The following PARP15 variants were observed in gnomAD, a reference collection of about 807,000 sequenced individuals.
PARP15 encodes poly(ADP-ribose) polymerase family member 15.
Under a neutral mutation model 62.1 loss-of-function variants are expected in PARP15, and 50 were observed. The ratio of observed to expected loss-of-function variants is 0.81; its 90% CI spans 0.64 to 1.02. The LOEUF is 1.02. PARP15 is among the 50% of genes least tolerant of loss of function. PARP15 has a pLI of 0.00. For synonymous variants in PARP15, 309 were observed against 293.1 expected (o/e 1.05, Z -0.55); for missense variants, 820 against 826.5 (o/e 0.99, Z 0.10).
chr3:122,593,084 T>TTTTCTGTC (rs1161750482), intron 1 of PARP15, among the ~76,000 whole-genome samples: 4,741 of 63,850 alleles, frequency 0.074, 81 homozygotes, highest in Non-Finnish European at 0.096. Flanking sequence ...AAAGATAAAA[T>TTTTCTGTC]TATCTGTCTA....
At chr3:122,624,531 A>G (rs1347423117) in intron 8 of PARP15, among the ~76,000 whole-genome samples, 5 of 152,202 alleles carry the variant, frequency 3.3e-5, no homozygotes, top group Non-Finnish European at 7.3e-5. Context: ...AGCTTAAGTG[A>G]TCAGACTTCA....
intron 4 of PARP15, among the ~76,000 whole-genome samples, chr3:122,613,795 A>G (rs1935745087): frequency 1.3e-5 from 2 of 148,200 alleles, no homozygotes; most frequent in South Asian, 4.3e-4. Context: ...GTTGGGTGAC[A>G]TACCTCTCTG....
intron 1 of PARP15, among the ~76,000 whole-genome samples, chr3:122,590,645 C>T (rs761658798): frequency 6.3e-5 from 8 of 126,910 alleles, no homozygotes; most frequent in Non-Finnish European, 1.2e-4. Flanking sequence ...TTGATTTTTA[C>T]TACTTCTAAG....
chr3:122,620,176 C>G (rs1249236098), intron 7 of PARP15, among the ~76,000 whole-genome samples: 1 of 152,176 alleles, frequency 6.6e-6, no homozygotes, highest in East Asian at 1.9e-4. Context: ...TAGGAAAGTT[C>G]TACTAATAAG....
chr3:122,578,977 A>G (rs1173206973), intron 1 of PARP15, among the ~76,000 whole-genome samples: 2 of 152,212 alleles, frequency 1.3e-5, no homozygotes, highest in Non-Finnish European at 2.9e-5. Flanking sequence ...TTTGCCTCCA[A>G]ATTTTAAGCT....
rs1422874427 is a variant in PARP15, at chr3:122,637,378, C to T, written c.*1278C>T. 1.3e-5 allele frequency: 2 copies of T among 152,130 alleles called. No individual in the cohort carries two copies. The highest frequency in any genetic ancestry group is 2.9e-5 in the Non-Finnish European group (2 of 68,026). 9.4% of individuals were successfully genotyped at this position (152,130 alleles called of 1,614,324 possible). Reference sequence around the variant, plus strand: ...TCTTTTTCAAAAGTTGAAATCAGTTCCTCTGTGTCTATTACCTGCTGATCA... The same window carrying T: ...TCTTTTTCAAAAGTTGAAATCAGTTTCTCTGTGTCTATTACCTGCTGATCA... On this transcript the variant is annotated 3_prime_UTR_variant, in exon 12 of 12. Coordinates refer to ENST00000464300, the MANE Select transcript of PARP15 (RefSeq NM_001113523.3).
rs1252826072 is a variant in PARP15, at chr3:122,610,520, C to T, written c.333C>T (p.Pro111=). The part of the protein sequence containing the change: ...IWADVIVNSV[P]MNLQLGGGPL... ...CCGATGTCATTGTCAACAGCGTTCC[C>T]ATGAATCTTCAGCTTGGAGGAGGAC... The change falls in exon 3 of 12, where the codon CCC becomes CCT. Residue 111 remains proline, a synonymous_variant. Transcript: ENST00000464300. 11 of 1,551,590 alleles carry T rather than the reference C, an allele frequency of 7.1e-6. No individual in the cohort carries two copies. The highest frequency in any genetic ancestry group is 3.9e-5 in the Admixed American group (2 of 50,980).
chr3:122,610,749 T>A lies in PARP15; in HGVS notation c.543+19T>A. ...TTGGCAGGTAGGGAACGCTCTTAGT[T>A]CTCCAACGTATTGGGTGGCTTTGGG... On this transcript the variant is annotated intron_variant, in intron 3 of 11. Coordinates refer to ENST00000464300, the MANE Select transcript of PARP15 (RefSeq NM_001113523.3). 1 of 1,484,864 alleles carries A rather than the reference T, an allele frequency of 6.7e-7. No homozygotes were observed. The highest frequency in any genetic ancestry group is 9.0e-7 in the Non-Finnish European group (1 of 1,115,578). The allele number at this position is 1,484,864 out of a possible 1,614,324, so 92.0% of individuals were successfully genotyped here.
intron 10 of PARP15, 44 bp from the exon 11 acceptor site, chr3:122,634,976 C>G (rs759620238): frequency 1.3e-6 from 2 of 1,579,296 alleles, no homozygotes; most frequent in Non-Finnish European, 1.7e-6. Context: ...ATATACTGAG[C>G]CCCAAGGTCC....
At chr3:122,601,544 T>C (rs1934795664) in intron 1 of PARP15, among the ~76,000 whole-genome samples, 1 of 152,260 alleles carries the variant, frequency 6.6e-6, no homozygotes, top group Admixed American at 6.5e-5. Context: ...CTGACTTCTT[T>C]CACCTAGGAA....
chr3:122,581,066 G>A (rs1360614145), intron 1 of PARP15, among the ~76,000 whole-genome samples: 1 of 152,170 alleles, frequency 6.6e-6, no homozygotes, highest in African/African-American at 2.4e-5. Flanking sequence ...TAAGTGTATA[G>A]TAGGCTATAC....
At chr3:122,619,632 T>C in intron 6 of PARP15, 149 bp from the exon 7 acceptor site, 1 of 671,654 alleles carries the variant, frequency 1.5e-6, no homozygotes, top group East Asian at 2.7e-5. Context: ...TGGGTGGAGG[T>C]TGCTATAGAA....
At chr3:122,583,433 A>G (rs1933132059) in intron 1 of PARP15, among the ~76,000 whole-genome samples, 1 of 151,950 alleles carries the variant, frequency 6.6e-6, no homozygotes, top group Admixed American at 6.6e-5. Context: ...AGTCTGTATC[A>G]TTTTTAAATT....
At chr3:122,578,819 G>A (rs1345280711) in intron 1 of PARP15, among the ~76,000 whole-genome samples, 2 of 152,068 alleles carry the variant, frequency 1.3e-5, no homozygotes, top group Non-Finnish European at 1.5e-5. Context: ...TCTTTAGGTG[G>A]TGTTGACATG....
chr3:122,581,411 T>C (rs1215731076), intron 1 of PARP15, among the ~76,000 whole-genome samples: 1 of 152,160 alleles, frequency 6.6e-6, no homozygotes, highest in East Asian at 1.9e-4. Context: ...CATCTTCCTT[T>C]CCTTTCCTTT....
At chr3:122,628,535 A>G (rs1051816732) in intron 9 of PARP15, among the ~76,000 whole-genome samples, 1 of 152,246 alleles carries the variant, frequency 6.6e-6, no homozygotes. Context: ...AACAGTAAAT[A>G]AGTCATTATC....
chr3:122,593,098 A>ATCTG (rs1934059208), intron 1 of PARP15, among the ~76,000 whole-genome samples: 3 of 68,706 alleles, frequency 4.4e-5, no homozygotes, highest in African/African-American at 1.0e-4. Context: ...CTGTCTATCT[A>ATCTG]TCTATCTATC....
At chr3:122,588,241 A>G (rs1254291645) in intron 1 of PARP15, among the ~76,000 whole-genome samples, 1 of 152,116 alleles carries the variant, frequency 6.6e-6, no homozygotes, top group Non-Finnish European at 1.5e-5. Flanking sequence ...TTTGTAATAT[A>G]TTTATGCAAG....
intron 3 of PARP15, 24 bp downstream of exon 3, chr3:122,610,754 A>G (rs1013756003): frequency 8.0e-5 from 119 of 1,479,642 alleles, no homozygotes; most frequent in Non-Finnish European, 1.0e-4. Context: ...TTAGTTCTCC[A>G]ACGTATTGGG....
Sources: gnomAD v4.1 joint callset for allele counts (sites outside exome capture counted in the v4.1 genomes callset) on GRCh38, gnomAD v4.1.1 for gene constraint, MANE v1.5 for transcripts, NCBI Gene and HGNC (gene_info 2026-07-23, HGNC 2026-07-21) for gene names.